ZNF804A: variants seen among roughly 807,000 people sequenced by gnomAD.
ZNF804A encodes zinc finger protein 804A.
In ZNF804A, 2 loss-of-function variants were observed where a neutral mutation model predicts 16.5. That is an observed-to-expected ratio of 0.12 (90% confidence interval 0.05 to 0.38). ZNF804A has a LOEUF of 0.38. ZNF804A is among the 10% of genes least tolerant of loss of function. The pLI is 0.99. For missense variants in ZNF804A, 1,473 were observed against 1,390.7 expected (o/e 1.06, Z -0.94); for synonymous variants, 534 against 489.6 (o/e 1.09, Z -1.20).
chr2:184,916,930 A>C (rs1559001918), intron 2 of ZNF804A, among the ~76,000 whole-genome samples: 1 of 152,098 alleles, frequency 6.6e-6, no homozygotes, highest in Non-Finnish European at 1.5e-5. Flanking sequence ...CTGATGCTGT[A>C]ATTCAGTGAT....
At chr2:184,879,002 T>C (rs1321396232) in intron 2 of ZNF804A, among the ~76,000 whole-genome samples, 1 of 152,018 alleles carries the variant, frequency 6.6e-6, no homozygotes, top group Non-Finnish European at 1.5e-5. Context: ...TTAGAAGTCA[T>C]CAACTAGTGT....
chr2:184,760,192 C>T (rs1405526304), intron 1 of ZNF804A, among the ~76,000 whole-genome samples: 1 of 152,086 alleles, frequency 6.6e-6, no homozygotes, highest in Non-Finnish European at 1.5e-5. Flanking sequence ...GATACAATTG[C>T]TTGGCTTGGG....
chr2:184,760,593 A>G (rs1357252011), intron 1 of ZNF804A, among the ~76,000 whole-genome samples: 2 of 152,126 alleles, frequency 1.3e-5, no homozygotes, highest in Non-Finnish European at 2.9e-5. Flanking sequence ...CATATCTTTC[A>G]TATTTCACCA....
At chr2:184,621,363 A>G (rs1030513490) in intron 1 of ZNF804A, among the ~76,000 whole-genome samples, 2 of 151,696 alleles carry the variant, frequency 1.3e-5, no homozygotes, top group Non-Finnish European at 3.0e-5. Flanking sequence ...ATTAATAATT[A>G]TGTATGTGCA....
rs1226628614 is a variant in ZNF804A at position 184,807,854 on chromosome 2, G to A, written c.112-58515G>A. 3.3e-5 allele frequency among the ~76,000 whole-genome samples: 5 copies of A among 151,536 alleles called. No individual in the cohort carries two copies. The East Asian group carries it at 9.6e-4, about 29-fold the overall frequency. On this transcript the variant is annotated intron_variant, in intron 1 of 3. Transcript: ENST00000302277. ...CTGCTTCTTTTGGCCTTGAATATTT[G>A]TACAAAGACCAATATTATTTAGAGA... is the stretch of plus-strand genomic sequence containing the variant.
chr2:184,714,342 C>T (rs1393972660), intron 1 of ZNF804A, among the ~76,000 whole-genome samples: 1 of 152,054 alleles, frequency 6.6e-6, no homozygotes, highest in Non-Finnish European at 1.5e-5. Context: ...TAAATGTCTC[C>T]ATTTTATTTT....
intron 1 of ZNF804A, among the ~76,000 whole-genome samples, chr2:184,730,047 A>G (rs899895415): frequency 1.3e-5 from 2 of 152,158 alleles, no homozygotes; most frequent in African/African-American, 2.4e-5. Context: ...AACTACTAAT[A>G]TGGTTGCCAT....
chr2:184,723,840 A>G (rs916339463), intron 1 of ZNF804A, among the ~76,000 whole-genome samples: 2 of 151,846 alleles, frequency 1.3e-5, no homozygotes, highest in Non-Finnish European at 3.0e-5. Context: ...TATATTCAAC[A>G]AAGTATTTAT....
intron 1 of ZNF804A, among the ~76,000 whole-genome samples, chr2:184,713,339 G>T (rs1476841119): frequency 6.6e-6 from 1 of 151,702 alleles, no homozygotes; most frequent in African/African-American, 2.4e-5. Context: ...AGTTCCCTCT[G>T]TTATGTTATA....
At chr2:184,713,501 A>G (rs1693162721) in intron 1 of ZNF804A, among the ~76,000 whole-genome samples, 1 of 151,932 alleles carries the variant, frequency 6.6e-6, no homozygotes, top group African/African-American at 2.4e-5. Flanking sequence ...TAGGTTGTAT[A>G]TGGCACTCTA....
Position 184,839,841 on chromosome 2 carries a change from A to C in ZNF804A, c.112-26528A>C, listed in dbSNP as rs543166075. ...TTATTTTTTCATTTTTGATTAATTA[A>C]CATTTATCAGTTCTCAATAAATCTC... is the stretch of plus-strand genomic sequence containing the variant. On this transcript the variant is annotated intron_variant, in intron 1 of 3. Transcript: ENST00000302277. Among the ~76,000 whole-genome samples the C allele has an allele frequency of 1.4e-4, 21 of 152,292 alleles. No individual in the cohort carries two copies. In the East Asian group the frequency reaches 3.3e-3, roughly 24 times the overall value.
intron 1 of ZNF804A, among the ~76,000 whole-genome samples, chr2:184,786,021 T>A (rs1183490716): frequency 6.6e-6 from 1 of 152,032 alleles, no homozygotes; most frequent in East Asian, 1.9e-4. Context: ...CAGAGGTGTC[T>A]CAAATTCCCA....
intron 1 of ZNF804A, among the ~76,000 whole-genome samples, chr2:184,759,037 G>A (rs1382474877): frequency 6.6e-6 from 1 of 151,448 alleles, no homozygotes; most frequent in Non-Finnish European, 1.5e-5. Flanking sequence ...GTAGATAGAA[G>A]TGCTTATAGA....
At chr2:184,799,011 C>G (rs563666369) in intron 1 of ZNF804A, among the ~76,000 whole-genome samples, 2 of 152,050 alleles carry the variant, frequency 1.3e-5, no homozygotes, top group African/African-American at 4.8e-5. Flanking sequence ...TGTTCTCGGT[C>G]TAGCCACTCA....
At position 184,601,282 on chromosome 2, in the gene ZNF804A, T is replaced by A. The variant is rs566353523; in HGVS notation, c.111+2212T>A. On this transcript the variant is annotated intron_variant, in intron 1 of 3. Transcript: ENST00000302277. ...TAAGTATAACAGAAAATATTCTAGA[T>A]CTATTCATAAATGAATGATTTCAAT... Among the ~76,000 whole-genome samples the A allele has an allele frequency of 4.6e-5, 7 of 152,186 alleles. No homozygotes were observed. The South Asian group carries it at 1.4e-3, about 32-fold the overall frequency.
intron 1 of ZNF804A, among the ~76,000 whole-genome samples, chr2:184,752,968 G>T (rs535140785): frequency 4.6e-5 from 7 of 151,468 alleles, no homozygotes; most frequent in Admixed American, 4.0e-4. Context: ...ATAAGTTTTG[G>T]TGAAAATCGG....
intron 1 of ZNF804A, among the ~76,000 whole-genome samples, chr2:184,720,049 G>T (rs780780789): frequency 9.2e-5 from 14 of 152,178 alleles, no homozygotes; most frequent in Non-Finnish European, 2.1e-4. Flanking sequence ...GGCTGGGGAG[G>T]CCTCATAATC....
chr2:184,831,880 A>G (rs12693395), intron 1 of ZNF804A, among the ~76,000 whole-genome samples: 21,051 of 152,000 alleles, frequency 0.14, 1,569 homozygotes, highest in Middle Eastern at 0.23. Flanking sequence ...AGGAATATAA[A>G]TGGAACCTTG....
In ZNF804A at chr2:184,653,788, A is replaced by G. The variant is rs569474484; in HGVS notation, c.111+54718A>G. ...TCTGGTGGAATGCCCCCAGAAGGTT[A>G]TACTCCAGCAGTTTGGCTTTTAATG... On this transcript the variant is annotated intron_variant, in intron 1 of 3. Coordinates refer to ENST00000302277, the MANE Select transcript of ZNF804A (RefSeq NM_194250.2). 2.6e-5 allele frequency among the ~76,000 whole-genome samples: 4 copies of G among 152,268 alleles called. No individual in the cohort carries two copies. In the East Asian group the frequency reaches 7.7e-4, roughly 29 times the overall value.
Sources: allele counts gnomAD v4.1 joint callset (sites outside exome capture counted in the v4.1 genomes callset), GRCh38; gene constraint gnomAD v4.1.1; transcripts MANE v1.5; gene names NCBI Gene and HGNC (gene_info 2026-07-23, HGNC 2026-07-21).